The following ASAP1 variants were observed in gnomAD, a reference collection of about 807,000 sequenced individuals.
ASAP1 encodes the protein ArfGAP with SH3 domain, ankyrin repeat and PH domain 1, also known as arf-GAP with SH3 domain, ANK repeat and PH domain-containing protein 1.
A neutral mutation model predicts 145.2 loss-of-function variants in ASAP1; 43 were observed. That is an observed-to-expected ratio of 0.30 (90% CI 0.23 to 0.38). The LOEUF (loss-of-function observed/expected upper bound fraction) is 0.38. Ranked by LOEUF, ASAP1 falls within the 10% of genes least tolerant of loss-of-function variation. The probability of loss-of-function intolerance (pLI) is 1.00; values close to 1 mark genes in which losing one functional copy is unlikely to be tolerated. For synonymous variants in ASAP1, 546 were observed against 515.5 expected, an observed-to-expected ratio of 1.06 and a Z score of -0.80; for missense variants, 1,018 against 1,355.3, an observed-to-expected ratio of 0.75 and a Z score of 3.91.
At chr8:130,191,249 T>C (rs1228132258) in intron 5 of ASAP1, among the ~76,000 whole-genome samples, 2 of 152,120 alleles carry the variant, frequency 1.3e-5, no homozygotes, top group Non-Finnish European at 2.9e-5. Context: ...AGAAGAGTTT[T>C]TACCTACTTG....
intron 3 of ASAP1, among the ~76,000 whole-genome samples, chr8:130,305,274 A>C (rs1242149050): frequency 6.6e-6 from 1 of 152,176 alleles, no homozygotes; most frequent in Non-Finnish European, 1.5e-5. Context: ...CATACTTCTT[A>C]GTCTCTTTCT....
At chr8:130,270,431 T>C (rs1257915377) in intron 3 of ASAP1, among the ~76,000 whole-genome samples, 1 of 152,242 alleles carries the variant, frequency 6.6e-6, no homozygotes, top group Non-Finnish European at 1.5e-5. Flanking sequence ...TCTCAAGGAA[T>C]CAGCTCTGTA....
intron 25 of ASAP1, among the ~76,000 whole-genome samples, chr8:130,081,895 T>C (rs1226304673): frequency 1.3e-5 from 2 of 152,218 alleles, no homozygotes. Context: ...TACATACTCA[T>C]AGTAATTATG....
At chr8:130,367,212 A>G (rs2138249390) in intron 2 of ASAP1, among the ~76,000 whole-genome samples, 1 of 152,238 alleles carries the variant, frequency 6.6e-6, no homozygotes, top group South Asian at 2.1e-4. Flanking sequence ...AAGAGCCAAA[A>G]ATAAATTTTA....
chr8:130,295,825 G>A (rs974806826), intron 3 of ASAP1, among the ~76,000 whole-genome samples: 5 of 152,162 alleles, frequency 3.3e-5, no homozygotes, highest in African/African-American at 1.2e-4. Flanking sequence ...GGAGATATCA[G>A]AAATCTTTTT....
intron 3 of ASAP1, among the ~76,000 whole-genome samples, chr8:130,253,944 C>A (rs901634347): frequency 6.6e-6 from 1 of 152,024 alleles, no homozygotes; most frequent in Admixed American, 6.6e-5. Context: ...TCGCTTGAAC[C>A]CAGGAGGTGG....
chr8:130,424,980 G>A (rs148178423), intron 1 of ASAP1, among the ~76,000 whole-genome samples: 2,398 of 141,128 alleles, frequency 0.017, 61 homozygotes, highest in African/African-American at 0.057. Flanking sequence ...GTGACAGAGC[G>A]AGATTCCGTC....
At chr8:130,364,930 A>G (rs529534751) in intron 2 of ASAP1, among the ~76,000 whole-genome samples, 1 of 152,302 alleles carries the variant, frequency 6.6e-6, no homozygotes, top group Non-Finnish European at 1.5e-5. Flanking sequence ...AGAGCAATCC[A>G]GTCTCAAAAA....
At chr8:130,109,548 G>C (rs969102642) in intron 24 of ASAP1, among the ~76,000 whole-genome samples, 1 of 152,000 alleles carries the variant, frequency 6.6e-6, no homozygotes, top group African/African-American at 2.4e-5. Context: ...TGCAAATAGA[G>C]ACCTCTGCTT....
intron 9 of ASAP1, among the ~76,000 whole-genome samples, chr8:130,173,863 A>T (rs1340250709): frequency 6.6e-6 from 1 of 151,894 alleles, no homozygotes; most frequent in Non-Finnish European, 1.5e-5. Context: ...GCCTGAGCTC[A>T]GGAGTTCGAG....
intron 2 of ASAP1, among the ~76,000 whole-genome samples, chr8:130,400,255 C>A (rs374186855): frequency 8.5e-5 from 13 of 152,296 alleles, no homozygotes; most frequent in African/African-American, 2.9e-4. Context: ...CAACCCTGTG[C>A]CAGTCAGTCT....
At chr8:130,217,913 C>A (rs921574123) in intron 4 of ASAP1, among the ~76,000 whole-genome samples, 1 of 152,110 alleles carries the variant, frequency 6.6e-6, no homozygotes, top group Non-Finnish European at 1.5e-5. Flanking sequence ...AGTGTCACAG[C>A]AGTCCAATGA....
At chr8:130,401,598 T>C (rs919293255) in intron 2 of ASAP1, among the ~76,000 whole-genome samples, 6 of 152,212 alleles carry the variant, frequency 3.9e-5, no homozygotes, top group Non-Finnish European at 7.3e-5. Flanking sequence ...CACCTTATAG[T>C]GTTGCTGGTG....
chr8:130,131,888 A>G (rs2097583737), intron 15 of ASAP1, among the ~76,000 whole-genome samples: 1 of 152,232 alleles, frequency 6.6e-6, no homozygotes, highest in Non-Finnish European at 1.5e-5. Context: ...TCTCACGGGC[A>G]GGACACCAAT....
At chr8:130,274,499 G>GA (rs1341485959) in intron 3 of ASAP1, among the ~76,000 whole-genome samples, 1 of 152,138 alleles carries the variant, frequency 6.6e-6, no homozygotes, top group African/African-American at 2.4e-5. Flanking sequence ...CAGACCACTC[G>GA]ATCTACCTTA....
At chr8:130,283,376 C>T (rs1056230391) in intron 3 of ASAP1, among the ~76,000 whole-genome samples, 1 of 151,912 alleles carries the variant, frequency 6.6e-6, no homozygotes, top group Non-Finnish European at 1.5e-5. Context: ...GTCAAGAGAT[C>T]GAGACCATCC....
chr8:130,117,788 T>C (rs1415093008), intron 20 of ASAP1, among the ~76,000 whole-genome samples: 1 of 152,256 alleles, frequency 6.6e-6, no homozygotes, highest in Non-Finnish European at 1.5e-5. Context: ...TTAGCAAATG[T>C]GTCCAATCTG....
At chr8:130,315,116 T>C (rs1823589472) in intron 3 of ASAP1, among the ~76,000 whole-genome samples, 1 of 152,008 alleles carries the variant, frequency 6.6e-6, no homozygotes, top group Non-Finnish European at 1.5e-5. Context: ...TAATAATACA[T>C]ATCAAAAAGT....
At chr8:130,443,263 G>A (rs1467127084) in intron 1 of ASAP1, among the ~76,000 whole-genome samples, 197 bp downstream of exon 1, 1 of 151,744 alleles carries the variant, frequency 6.6e-6, no homozygotes, top group Non-Finnish European at 1.5e-5. Context: ...GCCTGGCCGC[G>A]CGTCCCGCAC....
Sources: allele counts gnomAD v4.1 joint callset (sites outside exome capture counted in the v4.1 genomes callset), GRCh38; gene constraint gnomAD v4.1.1; transcripts MANE v1.5; gene names NCBI Gene and HGNC (gene_info 2026-07-23, HGNC 2026-07-21).